Variants in AGAP1 observed in about 807,000 individuals in gnomAD.
The protein encoded by AGAP1 is ArfGAP with GTPase domain, ankyrin repeat and PH domain 1, also known as arf-GAP with GTPase, ANK repeat and PH domain-containing protein 1.
AGAP1 carries 29 observed loss-of-function variants against 105.3 expected under a neutral mutation model. The observed-to-expected ratio is 0.28, with a 90% CI of 0.21 to 0.38. The LOEUF (loss-of-function observed/expected upper bound fraction) is 0.38, where lower values mean the gene tolerates loss of function less well. AGAP1 is among the 10% of genes least tolerant of loss of function. AGAP1 has a pLI of 1.00. For synonymous variants in AGAP1, 509 were observed against 485.9 expected (o/e 1.05, Z -0.63); for missense variants, 998 against 1,165.1 (o/e 0.86, Z 2.09).
chr2:235,670,350 G>A (rs1285158013), intron 1 of AGAP1: 1 of 517,332 alleles, frequency 1.9e-6, no homozygotes, highest in African/African-American at 2.0e-5. Flanking sequence ...GAACCGGAGG[G>A]TCCCCGGCCG....
chr2:235,679,685 C>A (rs1480738040), intron 1 of AGAP1, among the ~76,000 whole-genome samples: 1 of 152,232 alleles, frequency 6.6e-6, no homozygotes, highest in Admixed American at 6.5e-5. Flanking sequence ...TGCGTCCCAA[C>A]ATCACCTTTC....
chr2:235,648,250 T>C (rs892472936), intron 1 of AGAP1, among the ~76,000 whole-genome samples: 9 of 152,044 alleles, frequency 5.9e-5, no homozygotes, highest in Non-Finnish European at 1.0e-4. Flanking sequence ...GGGTGGGCAG[T>C]TTGGGTTTCT....
At chr2:235,718,458 T>G in intron 3 of AGAP1, 1 of 922,830 alleles carries the variant, frequency 1.1e-6, no homozygotes, top group Non-Finnish European at 1.3e-6. Context: ...GGCACCACTT[T>G]GTACTGTAGC....
rs1220877454 is a variant in AGAP1, at chr2:236,055,626, T to C, written c.2114+6345T>C. On this transcript the variant is annotated intron_variant, in intron 16 of 17. Coordinates refer to ENST00000304032, the MANE Select transcript of AGAP1 (RefSeq NM_001037131.3). This position sits in a 1 kb window ranked among gnomAD's most constrained non-coding sequence, Gnocchi z 6.2. ...CCAGTTTCCCCGTCCAGGCAGGGAC[T>C]GTGCCCTGCTCAAGCCACGACAGTG... Among the ~76,000 whole-genome samples, 2 of 152,270 alleles carry C rather than the reference T, an allele frequency of 1.3e-5. No individual in the cohort carries two copies. The highest frequency in any genetic ancestry group is 2.9e-5 in the Non-Finnish European group (2 of 68,046).
chr2:235,499,447 A>G (rs552869006), intron 1 of AGAP1, among the ~76,000 whole-genome samples: 3 of 152,316 alleles, frequency 2.0e-5, no homozygotes, highest in African/African-American at 7.2e-5. Flanking sequence ...CTTTGTCACC[A>G]TTGGCCATGT....
chr2:235,582,164 C>T lies in AGAP1; in HGVS notation c.163+87315C>T, dbSNP rs184460562. Among the ~76,000 whole-genome samples the T allele has an allele frequency of 5.4e-3, 828 of 152,232 alleles. 6 individuals are homozygous for T. The highest frequency in any genetic ancestry group is 0.019 in the African/African-American group (788 of 41,530). On this transcript the variant is annotated intron_variant, in intron 1 of 17. Coordinates refer to ENST00000304032, the MANE Select transcript of AGAP1 (RefSeq NM_001037131.3). This position sits in a 1 kb window ranked among gnomAD's most constrained non-coding sequence, Gnocchi z 4.7. ...AGAGACCCCTGGATCCTAGTGGTGG[C>T]CCCTGGTCACCAGATGTGAGCCCTG...
chr2:235,527,768 G>A (rs931811303), intron 1 of AGAP1, among the ~76,000 whole-genome samples: 3 of 152,178 alleles, frequency 2.0e-5, no homozygotes, highest in Non-Finnish European at 2.9e-5. Flanking sequence ...CCACAGCCTA[G>A]CATTTCAAGG....
intron 13 of AGAP1, among the ~76,000 whole-genome samples, chr2:235,974,569 T>A (rs1037303257): frequency 2.0e-5 from 3 of 152,246 alleles, no homozygotes; most frequent in Non-Finnish European, 4.4e-5. Flanking sequence ...CTGGTCTTTA[T>A]CGCACCATTG....
intron 1 of AGAP1, chr2:235,669,862 C>G (rs1020889935): frequency 6.8e-6 from 1 of 147,728 alleles, no homozygotes; most frequent in Non-Finnish European, 1.5e-5. Context: ...GACCGGCCGC[C>G]TCGCTTGGCC....
intron 6 of AGAP1, among the ~76,000 whole-genome samples, chr2:235,785,592 T>C (rs1287310288): frequency 1.3e-5 from 2 of 152,174 alleles, no homozygotes; most frequent in Non-Finnish European, 2.9e-5. Context: ...CATAATCTAT[T>C]TTTCTTTAAA....
rs1052696367 is a variant in AGAP1, at chr2:235,700,931, G to A, written c.164-8248G>A. On this transcript the variant is annotated intron_variant, in intron 1 of 17. Transcript: ENST00000304032. The surrounding 1 kb of genome is among the most constrained non-coding windows in gnomAD (Gnocchi z 6.1). Reference sequence around the variant, plus strand: ...TATGCATATATTATGTATTACACATGCTAGCATATTTGTAATATATATATT... The same window carrying A: ...TATGCATATATTATGTATTACACATACTAGCATATTTGTAATATATATATT... 5.5e-5 allele frequency among the ~76,000 whole-genome samples: 8 copies of A among 146,340 alleles called. No homozygotes were observed. Among genetic ancestry groups the A allele is most frequent in the Non-Finnish European group, 1.0e-4 (7 of 67,076 alleles).
chr2:235,606,608 A>C (rs1421648494), intron 1 of AGAP1, among the ~76,000 whole-genome samples: 1 of 152,230 alleles, frequency 6.6e-6, no homozygotes, highest in East Asian at 1.9e-4. Context: ...CCAGAACTTC[A>C]AAGAAAGAAG....
Position 235,635,191 on chromosome 2 carries a change from T to TA in AGAP1, c.164-73987dup, listed in dbSNP as rs535191228. On this transcript the variant is annotated intron_variant, in intron 1 of 17. Transcript: ENST00000304032. This position sits in a 1 kb window ranked among gnomAD's most constrained non-coding sequence, Gnocchi z 5.3. The stretch of plus-strand genomic sequence containing the variant: ...GCGTCCTGAGTGTTGATGCCAGCCT[T>TA]ACCCTGACCCTGTGTGTGGCAGCAG... Among the ~76,000 whole-genome samples, 104 of 152,156 alleles carry TA rather than the reference T, an allele frequency of 6.8e-4. No individual in the cohort carries two copies. The highest frequency in any genetic ancestry group is 1.1e-3 in the Admixed American group (17 of 15,270).
At position 235,705,224 on chromosome 2, in the gene AGAP1, G is replaced by A. The variant is rs181967035; in HGVS notation, c.164-3955G>A. Among the ~76,000 whole-genome samples, 90 of 151,968 alleles carry A rather than the reference G, an allele frequency of 5.9e-4. No homozygotes were observed. The East Asian group carries it at 0.012, about 21-fold the overall frequency. Reference sequence around the variant, plus strand: ...GAACTCCTGACCTCAGGTGATCTGCGCGCCTCGGCCTCCTAAAGTGTTGGG... The same window carrying A: ...GAACTCCTGACCTCAGGTGATCTGCACGCCTCGGCCTCCTAAAGTGTTGGG... On this transcript the variant is annotated intron_variant, in intron 1 of 17. Coordinates refer to ENST00000304032, the MANE Select transcript of AGAP1 (RefSeq NM_001037131.3). The surrounding 1 kb of genome is among the most constrained non-coding windows in gnomAD (Gnocchi z 4.9).
intron 6 of AGAP1, among the ~76,000 whole-genome samples, chr2:235,756,679 T>C (rs540584185): frequency 8.5e-5 from 13 of 152,272 alleles, no homozygotes; most frequent in African/African-American, 2.9e-4. Flanking sequence ...GGTGAGCAGC[T>C]TGCAAGTGAG....
At chr2:235,530,773 C>T (rs80241757) in intron 1 of AGAP1, among the ~76,000 whole-genome samples, 1,557 of 152,338 alleles carry the variant, frequency 0.01, 18 homozygotes, top group African/African-American at 0.036. Context: ...GACTTAATCA[C>T]AGCGACAGTG....
chr2:235,529,974 T>G (rs1259457497), intron 1 of AGAP1, among the ~76,000 whole-genome samples: 1 of 152,196 alleles, frequency 6.6e-6, no homozygotes, highest in Non-Finnish European at 1.5e-5. Context: ...CTTTGCCATC[T>G]GAAGCTTCTG....
intron 1 of AGAP1, among the ~76,000 whole-genome samples, chr2:235,592,133 C>T (rs562067041): frequency 3.3e-5 from 5 of 152,334 alleles, no homozygotes; most frequent in South Asian, 2.1e-4. Flanking sequence ...GCCTGGACAG[C>T]GCCCTGTGGC....
At position 236,027,544 on chromosome 2, in the gene AGAP1, T is replaced by C. The variant is rs1280859410; in HGVS notation, c.1646-9017T>C. On this transcript the variant is annotated intron_variant, in intron 13 of 17. Coordinates refer to ENST00000304032, the MANE Select transcript of AGAP1 (RefSeq NM_001037131.3). This position sits in a 1 kb window ranked among gnomAD's most constrained non-coding sequence, Gnocchi z 4.4. ...CCTCCCCCAGGGCAGACTGAGCCTCTCCCCTCCAGGTGTCCCAGATGTTTG... is the reference window on the plus strand; with the variant it reads ...CCTCCCCCAGGGCAGACTGAGCCTCCCCCCTCCAGGTGTCCCAGATGTTTG... 6.6e-6 allele frequency among the ~76,000 whole-genome samples: 1 copy of C among 152,066 alleles called. No homozygotes were observed. Among genetic ancestry groups the C allele is most frequent in the African/African-American group, 2.4e-5 (1 of 41,414 alleles).
Sources: gnomAD v4.1 joint callset for allele counts (sites outside exome capture counted in the v4.1 genomes callset) on GRCh38, gnomAD v4.1.1 for gene constraint, Gnocchi (gnomAD v3.1) non-coding constraint, MANE v1.5 for transcripts, NCBI Gene and HGNC (gene_info 2026-07-23, HGNC 2026-07-21) for gene names.